OXCT1: variants seen among roughly 807,000 people sequenced by gnomAD.
OXCT1 encodes 3-oxoacid CoA-transferase 1, also known as succinyl-CoA:3-ketoacid coenzyme A transferase 1, mitochondrial.
OXCT1 carries 27 observed loss-of-function variants against 69.6 expected under a neutral mutation model. The ratio of observed to expected loss-of-function variants is 0.39; its 90% CI spans 0.29 to 0.54. The LOEUF (loss-of-function observed/expected upper bound fraction) is 0.54, where lower values mean the gene tolerates loss of function less well. Among genes scored for constraint, OXCT1 ranks in the 20% least tolerant of loss-of-function variants. The pLI, the probability that OXCT1 is intolerant of heterozygous loss-of-function variation, is 0.72. For synonymous variants in OXCT1, 202 were observed against 217.8 expected (o/e 0.93, Z 0.64); for missense variants, 437 against 650.2 (o/e 0.67, Z 3.57).
chr5:41,761,409 G>A (rs1333433322), intron 14 of OXCT1, among the ~76,000 whole-genome samples: 1 of 151,982 alleles, frequency 6.6e-6, no homozygotes, highest in Non-Finnish European at 1.5e-5. Flanking sequence ...AGAGCTTGGT[G>A]TATTCTTGGC....
At chr5:41,771,386 CA>C (rs1368008180) in intron 13 of OXCT1, among the ~76,000 whole-genome samples, 1 of 152,158 alleles carries the variant, frequency 6.6e-6, no homozygotes, top group Non-Finnish European at 1.5e-5. Flanking sequence ...TTTCTCTTCT[CA>C]AGGTACAATC....
At chr5:41,764,041 G>A (rs1744478807) in intron 13 of OXCT1, among the ~76,000 whole-genome samples, 1 of 152,112 alleles carries the variant, frequency 6.6e-6, no homozygotes, top group African/African-American at 2.4e-5. Flanking sequence ...GTCTGTTTTT[G>A]TTAAAAACAC....
At position 41,870,119 on chromosome 5, in the gene OXCT1, C is replaced by T; in HGVS notation, c.78+162G>A. ...CGGTCATCCGAGGGGCCGGCGAGGC[C>T]AGGAACGCGTCGCCGCGTGTCCGTG... On this transcript the variant is annotated intron_variant, in intron 1 of 16. Transcript: ENST00000196371. The surrounding 1 kb of genome is among the most constrained non-coding windows in gnomAD (Gnocchi z 4.2). The T allele has an allele frequency of 1.4e-6, 1 of 702,982 alleles. No homozygotes were observed. Among genetic ancestry groups the T allele is most frequent in the South Asian group, 1.5e-5 (1 of 65,800 alleles). 43.5% of individuals were successfully genotyped at this position (702,982 alleles called of 1,614,324 possible).
intron 6 of OXCT1, among the ~76,000 whole-genome samples, chr5:41,842,377 T>C (rs754341572): frequency 1.4e-4 from 22 of 152,210 alleles, no homozygotes; most frequent in Non-Finnish European, 2.2e-4. Context: ...TTTCTAAGCA[T>C]GTAACTGGTC....
chr5:41,794,353 A>G lies in OXCT1; in HGVS notation c.1173-275T>C, dbSNP rs187782151. ...TCCTTCAGTGAGGCAGAATGTGACT[A>G]CTTGAACACAAACACTAGCTAGAAA... On this transcript the variant is annotated intron_variant, in intron 12 of 16. Coordinates refer to ENST00000196371, the MANE Select transcript of OXCT1 (RefSeq NM_000436.4). The G allele has an allele frequency of 2.9e-4, 174 of 593,504 alleles. 1 individual carries two copies. The African/African-American group carries it at 3.1e-3, about 10-fold the overall frequency. 36.8% of individuals were successfully genotyped at this position (593,504 alleles called of 1,614,324 possible).
intron 13 of OXCT1, among the ~76,000 whole-genome samples, chr5:41,773,484 C>A (rs921074457): frequency 6.6e-6 from 1 of 151,182 alleles, no homozygotes; most frequent in African/African-American, 2.4e-5. Context: ...GTAGTATGAG[C>A]TACTTGGGAG....
At chr5:41,751,369 A>G (rs929652522) in intron 14 of OXCT1, among the ~76,000 whole-genome samples, 2 of 152,132 alleles carry the variant, frequency 1.3e-5, no homozygotes, top group Non-Finnish European at 2.9e-5. Flanking sequence ...AATCAACTTC[A>G]TTTTAGGAGG....
chr5:41,863,053 C>A (rs1472064038), intron 1 of OXCT1, among the ~76,000 whole-genome samples: 1 of 152,098 alleles, frequency 6.6e-6, no homozygotes, highest in Non-Finnish European at 1.5e-5. Context: ...AGACAGAATG[C>A]ATTCTTATAA....
chr5:41,743,079 GT>G (rs913565449), intron 15 of OXCT1, among the ~76,000 whole-genome samples: 4 of 152,208 alleles, frequency 2.6e-5, no homozygotes, highest in African/African-American at 9.6e-5. Flanking sequence ...GGCTGAACTA[GT>G]TTACGGTCCC....
intron 7 of OXCT1, among the ~76,000 whole-genome samples, chr5:41,831,164 T>G (rs1748076183): frequency 6.6e-6 from 1 of 152,208 alleles, no homozygotes; most frequent in Non-Finnish European, 1.5e-5. Context: ...GCCATTATTC[T>G]CAAGAAAGTT....
At chr5:41,810,038 A>T (rs1254564053) in intron 7 of OXCT1, among the ~76,000 whole-genome samples, 2 of 152,046 alleles carry the variant, frequency 1.3e-5, no homozygotes, top group African/African-American at 4.8e-5. Context: ...TTTGAAGTAC[A>T]AACCAAAAGA....
At chr5:41,845,791 T>C (rs1330222669) in intron 5 of OXCT1, among the ~76,000 whole-genome samples, 1 of 152,166 alleles carries the variant, frequency 6.6e-6, no homozygotes, top group African/African-American at 2.4e-5. Flanking sequence ...GAGATACTAC[T>C]ACAGTTCATT....
At chr5:41,815,329 A>G (rs573727896) in intron 7 of OXCT1, among the ~76,000 whole-genome samples, 28 of 152,250 alleles carry the variant, frequency 1.8e-4, no homozygotes, top group Non-Finnish European at 3.8e-4. Context: ...CATTGATTAG[A>G]CTAACACTTT....
rs1422716705 is a variant in OXCT1, at chr5:41,848,958, T to C, written c.564+1072A>G. On this transcript the variant is annotated intron_variant, in intron 5 of 16. Transcript: ENST00000196371. The stretch of plus-strand genomic sequence containing the variant: ...TGGGGTCTAATTAAACTAAAGAGCT[T>C]CTGCACAGCAAAAGAAACTACCATC... Among the ~76,000 whole-genome samples, 4 of 152,266 alleles carry C rather than the reference T, an allele frequency of 2.6e-5. No individual in the cohort carries two copies. The East Asian group carries it at 7.7e-4, about 29-fold the overall frequency.
chr5:41,739,603 G>A (rs1743059213), intron 15 of OXCT1, 112 bp from the exon 16 acceptor site: 1 of 776,094 alleles, frequency 1.3e-6, no homozygotes, highest in Non-Finnish European at 2.2e-6. Flanking sequence ...TGGTGGCTCA[G>A]GCCTATAATC....
At chr5:41,736,478 C>G (rs141824116) in intron 16 of OXCT1, among the ~76,000 whole-genome samples, 1 of 152,184 alleles carries the variant, frequency 6.6e-6, no homozygotes, top group Non-Finnish European at 1.5e-5. Context: ...GCTAATAACA[C>G]TATGATATAT....
In OXCT1 at chr5:41,739,498, G is replaced by T; in HGVS notation, c.1420-7C>A. 6.3e-7 allele frequency: 1 copy of T among 1,584,588 alleles called. No individual in the cohort carries two copies. The highest frequency in any genetic ancestry group is 8.7e-7 in the Non-Finnish European group (1 of 1,153,226). ...TGTCCACATCAAACACAGCCTGTCA[G>T]AGTGGGAAGAAAAAGGACAATGACA... On this transcript the variant is annotated splice_region_variant and splice_polypyrimidine_tract_variant and intron_variant, in intron 15 of 16. Transcript: ENST00000196371.
At chr5:41,803,914 T>A (rs1291106169) in intron 9 of OXCT1, among the ~76,000 whole-genome samples, 1 of 151,992 alleles carries the variant, frequency 6.6e-6, no homozygotes, top group African/African-American at 2.4e-5. Flanking sequence ...TCAAAGATAC[T>A]CACACTGCCT....
Position 41,731,268 on chromosome 5 carries a change from C to A in OXCT1, c.*461G>T, listed in dbSNP as rs1026257626. ...GGGGGACAAGATGTAATCATAAAAT[C>A]TGAAGCCCCAAAAGAAAAGTCAGAG... is the stretch of plus-strand genomic sequence containing the variant. On this transcript the variant is annotated 3_prime_UTR_variant, in exon 17 of 17. Coordinates refer to ENST00000196371, the MANE Select transcript of OXCT1 (RefSeq NM_000436.4). 3 of 496,846 alleles carry A rather than the reference C, an allele frequency of 6.0e-6. No homozygotes were observed. The highest frequency in any genetic ancestry group is 7.9e-6 in the Non-Finnish European group (3 of 378,038). 30.8% of individuals were successfully genotyped at this position (496,846 alleles called of 1,614,324 possible).
Sources: gnomAD v4.1 joint callset for allele counts (sites outside exome capture counted in the v4.1 genomes callset) on GRCh38, gnomAD v4.1.1 for gene constraint, Gnocchi (gnomAD v3.1) non-coding constraint, MANE v1.5 for transcripts, NCBI Gene and HGNC (gene_info 2026-07-23, HGNC 2026-07-21) for gene names.